Variants in CDK8 observed in about 807,000 individuals in gnomAD.
CDK8 encodes cyclin-dependent kinase 8.
A neutral mutation model predicts 71.5 loss-of-function variants in CDK8; 29 were observed. That is an observed-to-expected ratio of 0.41 (90% CI 0.30 to 0.55). The LOEUF (loss-of-function observed/expected upper bound fraction) is 0.55, where lower values mean the gene tolerates loss of function less well. Among genes scored for constraint, CDK8 ranks in the 20% least tolerant of loss-of-function variants. CDK8 has a pLI of 0.37. For synonymous variants in CDK8, 161 were observed against 192.1 expected, an observed-to-expected ratio of 0.84 and a Z score of 1.34; for missense variants, 288 against 572.6, an observed-to-expected ratio of 0.50 and a Z score of 5.07.
At chr13:26,341,990 G>A (rs1176382474) in intron 2 of CDK8, among the ~76,000 whole-genome samples, 3 of 151,930 alleles carry the variant, frequency 2.0e-5, no homozygotes, top group South Asian at 2.1e-4. Flanking sequence ...GCGCAATCTC[G>A]GCTCACTGCA....
chr13:26,337,781 T>G (rs991168365), intron 2 of CDK8, 139 bp downstream of exon 2: 5 of 340,792 alleles, frequency 1.5e-5, no homozygotes, highest in Non-Finnish European at 2.7e-5. Flanking sequence ...AAAATATTAT[T>G]TATTAAGGAG....
At chr13:26,290,006 AC>A (rs1873221731) in intron 1 of CDK8, among the ~76,000 whole-genome samples, 1 of 152,248 alleles carries the variant, frequency 6.6e-6, no homozygotes. Context: ...ATCAGAAGTC[AC>A]AAATATTTGA....
intron 1 of CDK8, among the ~76,000 whole-genome samples, chr13:26,265,876 C>T (rs764507256): frequency 5.3e-5 from 8 of 152,040 alleles, no homozygotes; most frequent in Non-Finnish European, 8.8e-5. Flanking sequence ...TAATAAGTTC[C>T]GATTTCTCAT....
At chr13:26,367,501 T>C (rs1415312125) in intron 4 of CDK8, among the ~76,000 whole-genome samples, 1 of 152,172 alleles carries the variant, frequency 6.6e-6, no homozygotes, top group African/African-American at 2.4e-5. Flanking sequence ...ATGGGAAGCA[T>C]TAACCTGTCT....
At chr13:26,376,387 T>C (rs1874952389) in intron 4 of CDK8, among the ~76,000 whole-genome samples, 1 of 152,178 alleles carries the variant, frequency 6.6e-6, no homozygotes. Flanking sequence ...ACTTGACTCA[T>C]TAGAATTTGT....
intron 4 of CDK8, among the ~76,000 whole-genome samples, chr13:26,358,791 T>C (rs1295229002): frequency 6.6e-6 from 1 of 152,162 alleles, no homozygotes; most frequent in African/African-American, 2.4e-5. Flanking sequence ...GGTATGTACA[T>C]ACAATAGAAT....
chr13:26,375,788 T>C (rs1354035878), intron 4 of CDK8, among the ~76,000 whole-genome samples: 1 of 152,246 alleles, frequency 6.6e-6, no homozygotes, highest in Non-Finnish European at 1.5e-5. Flanking sequence ...GGAGATACTA[T>C]TACATTTAAA....
intron 1 of CDK8, among the ~76,000 whole-genome samples, chr13:26,304,876 C>T (rs1873975086): frequency 6.6e-6 from 1 of 151,720 alleles, no homozygotes; most frequent in Non-Finnish European, 1.5e-5. Context: ...ACTATGTAGC[C>T]CAGGCCAATC....
chr13:26,373,891 T>C (rs1874807126), intron 4 of CDK8, among the ~76,000 whole-genome samples: 1 of 151,700 alleles, frequency 6.6e-6, no homozygotes, highest in Non-Finnish European at 1.5e-5. Context: ...TTAAAAAATT[T>C]CATGAATGGA....
At chr13:26,320,392 C>T (rs1411886470) in intron 1 of CDK8, among the ~76,000 whole-genome samples, 1 of 151,396 alleles carries the variant, frequency 6.6e-6, no homozygotes, top group African/African-American at 2.4e-5. Context: ...GCCTGGGCAA[C>T]AAAGCAAGTC....
chr13:26,376,856 T>TG (rs1270337536), intron 4 of CDK8, among the ~76,000 whole-genome samples: 4 of 152,226 alleles, frequency 2.6e-5, no homozygotes, highest in African/African-American at 9.6e-5. Context: ...TGAACAATGT[T>TG]TATTATTTTA....
At chr13:26,274,220 C>T (rs573830398) in intron 1 of CDK8, among the ~76,000 whole-genome samples, 1 of 143,226 alleles carries the variant, frequency 7.0e-6, no homozygotes, top group East Asian at 1.9e-4. Flanking sequence ...TAATGTCTTT[C>T]ATAATGACAA....
intron 1 of CDK8, among the ~76,000 whole-genome samples, chr13:26,304,855 A>T (rs1016380192): frequency 2.0e-5 from 3 of 151,746 alleles, no homozygotes; most frequent in Non-Finnish European, 4.4e-5. Context: ...TTTTATAGAG[A>T]TGAGGGTCTC....
chr13:26,264,005 C>A (rs1051240698), intron 1 of CDK8, among the ~76,000 whole-genome samples: 2 of 152,126 alleles, frequency 1.3e-5, no homozygotes. Context: ...CCTGGGCCCC[C>A]CAAAGTGCTG....
chr13:26,332,611 A>G (rs1407574841), intron 1 of CDK8, among the ~76,000 whole-genome samples: 3 of 152,088 alleles, frequency 2.0e-5, no homozygotes, highest in African/African-American at 4.8e-5. Flanking sequence ...TTCCAGTGCT[A>G]TGTTGAATAA....
chr13:26,271,523 G>A (rs1237451982), intron 1 of CDK8, among the ~76,000 whole-genome samples: 2 of 152,090 alleles, frequency 1.3e-5, no homozygotes, highest in African/African-American at 4.8e-5. Context: ...GGTAAAAAAT[G>A]AGCTGGGTAC....
In CDK8 at chr13:26,404,168, A is replaced by T; in HGVS notation, c.*87A>T. The T allele has an allele frequency of 6.1e-6, 9 of 1,465,856 alleles. No homozygotes were observed. Among genetic ancestry groups the T allele is most frequent in the Non-Finnish European group, 8.4e-6 (9 of 1,069,960 alleles). The allele number at this position is 1,465,856 out of a possible 1,614,324, so 90.8% of individuals were successfully genotyped here. Reference sequence around the variant, plus strand: ...CTGCGGGAACCTGGTATGGGCCATGAGAATGTACTGTACAACCACATCTTC... The same window carrying T: ...CTGCGGGAACCTGGTATGGGCCATGTGAATGTACTGTACAACCACATCTTC... On this transcript the variant is annotated 3_prime_UTR_variant, in exon 13 of 13. Coordinates refer to ENST00000381527, the MANE Select transcript of CDK8 (RefSeq NM_001260.3).
intron 1 of CDK8, among the ~76,000 whole-genome samples, chr13:26,297,926 C>T (rs934165150): frequency 6.6e-6 from 1 of 152,102 alleles, no homozygotes; most frequent in Non-Finnish European, 1.5e-5. Flanking sequence ...GGGTGCTGTC[C>T]TCTCGCTATA....
chr13:26,373,676 TACAG>T (rs1216321475), intron 4 of CDK8, among the ~76,000 whole-genome samples: 7 of 152,150 alleles, frequency 4.6e-5, no homozygotes, highest in African/African-American at 1.7e-4. Flanking sequence ...GTTTCAGTGT[TACAG>T]ACAAAAGCAG....
Sources: allele counts gnomAD v4.1 joint callset (sites outside exome capture counted in the v4.1 genomes callset), GRCh38; gene constraint gnomAD v4.1.1; transcripts MANE v1.5; gene names NCBI Gene and HGNC (gene_info 2026-07-23, HGNC 2026-07-21).